The following QSER1 variants were observed in gnomAD, a reference collection of about 807,000 sequenced individuals.
QSER1 encodes glutamine and serine rich 1.
Under a neutral mutation model 158.5 loss-of-function variants are expected in QSER1, and 49 were observed. The observed-to-expected ratio is 0.31, with a 90% CI of 0.25 to 0.39. The LOEUF is 0.39. Among genes scored for constraint, QSER1 ranks in the 10% least tolerant of loss-of-function variants. QSER1 has a pLI of 1.00. For missense variants in QSER1, 1,754 were observed against 2,010.3 expected (o/e 0.87, Z 2.44); for synonymous variants, 650 against 715.5 (o/e 0.91, Z 1.46).
At chr11:32,909,486 C>T (rs1851737325) in intron 1 of QSER1, among the ~76,000 whole-genome samples, 1 of 151,454 alleles carries the variant, frequency 6.6e-6, no homozygotes, top group Non-Finnish European at 1.5e-5. Flanking sequence ...GTGGCCCAGG[C>T]TGGAGTGCAG....
chr11:32,919,798 C>A (rs914019944), intron 1 of QSER1, among the ~76,000 whole-genome samples: 9 of 152,108 alleles, frequency 5.9e-5, no homozygotes, highest in Non-Finnish European at 5.9e-5. Flanking sequence ...TTTATTCAAT[C>A]GTTTATCAGT....
At chr11:32,897,209 G>A (rs1851566439) in intron 1 of QSER1, among the ~76,000 whole-genome samples, 1 of 152,136 alleles carries the variant, frequency 6.6e-6, no homozygotes, top group Non-Finnish European at 1.5e-5. Flanking sequence ...TATGGATGAG[G>A]AAACTGAGGG....
intron 4 of QSER1, among the ~76,000 whole-genome samples, chr11:32,945,424 C>T (rs1852313665): frequency 1.3e-5 from 2 of 151,074 alleles, no homozygotes; most frequent in Non-Finnish European, 3.0e-5. Context: ...TCTTTTAGGG[C>T]AGGCCTGGTG....
At chr11:32,972,916 A>AG (rs1852896345) in intron 10 of QSER1, among the ~76,000 whole-genome samples, 1 of 152,234 alleles carries the variant, frequency 6.6e-6, no homozygotes, top group Non-Finnish European at 1.5e-5. Context: ...CGTCATCTTC[A>AG]CCAGAGGCAG....
At chr11:32,941,477 C>T (rs1480810787) in intron 4 of QSER1, among the ~76,000 whole-genome samples, 7 of 147,122 alleles carry the variant, frequency 4.8e-5, no homozygotes, top group Non-Finnish European at 8.9e-5. Context: ...TGAGAATATG[C>T]GGTGTTTGGT....
chr11:32,925,805 G>A (rs1448421550), intron 1 of QSER1, among the ~76,000 whole-genome samples: 1 of 152,086 alleles, frequency 6.6e-6, no homozygotes, highest in Non-Finnish European at 1.5e-5. Flanking sequence ...TGGGATTACA[G>A]GCATGAGCCA....
At chr11:32,952,416 T>G (rs1203748197) in intron 4 of QSER1, among the ~76,000 whole-genome samples, 1 of 152,176 alleles carries the variant, frequency 6.6e-6, no homozygotes, top group Non-Finnish European at 1.5e-5. Flanking sequence ...TGTATTACAT[T>G]GATTTTCAGG....
chr11:32,958,634 A>C (rs1324166504), intron 8 of QSER1, among the ~76,000 whole-genome samples: 4 of 152,148 alleles, frequency 2.6e-5, no homozygotes, highest in Admixed American at 6.5e-5. Context: ...CTCCTGCCTT[A>C]GCCTCCCAAA....
Position 32,975,337 on chromosome 11 carries a change from G to A in QSER1, c.5448G>A (p.Lys1816=). The A allele has an allele frequency of 6.3e-7, 1 of 1,597,468 alleles. No homozygotes were observed. Among genetic ancestry groups the A allele is most frequent in the Non-Finnish European group, 8.6e-7 (1 of 1,166,034 alleles). Residue 1816 remains lysine (K), a synonymous_variant, in exon 12 of 13, where the codon AAG becomes AAA. Coordinates refer to ENST00000650167, the MANE Select transcript of QSER1 (RefSeq NM_001076786.3). ...HYKYHVYLIC[K]DEISSVQKKN... is the part of the protein sequence containing the mutation. ...AGTACCATGTTTATCTGATATGTAA[G>A]GATGAGGTAATTTCTTCTCATTTAC...
chr11:32,913,968 GATAA>G (rs2133513745), intron 1 of QSER1, among the ~76,000 whole-genome samples: 1 of 152,250 alleles, frequency 6.6e-6, no homozygotes, highest in African/African-American at 2.4e-5. Context: ...TCAAATTCAT[GATAA>G]ATAATTTCTT....
intron 1 of QSER1, among the ~76,000 whole-genome samples, chr11:32,918,187 A>G (rs879572656): frequency 1.3e-5 from 2 of 152,134 alleles, no homozygotes; most frequent in Non-Finnish European, 2.9e-5. Context: ...ATTTATGACT[A>G]CCTGCTGTGT....
chr11:32,945,316 A>G (rs1432565838), intron 4 of QSER1, among the ~76,000 whole-genome samples: 1 of 149,732 alleles, frequency 6.7e-6, no homozygotes, highest in Non-Finnish European at 1.5e-5. Context: ...TAGTTGATTC[A>G]GTTTCTTCCC....
Position 32,893,088 on chromosome 11 carries a change from C to G in QSER1, c.-38C>G, listed in dbSNP as rs928703276. On this transcript the variant is annotated 5_prime_UTR_variant, in exon 1 of 13. In the 5' UTR this introduces an upstream ATG that the reference lacks. Transcript: ENST00000650167. This position sits in a 1 kb window ranked among gnomAD's most constrained non-coding sequence, Gnocchi z 4.7. ...CCCGTCACACGGAGCCCTGGAGGAT[C>G]CCCCGCTGCTGCCCGCCCTCCCTAC... is the stretch of plus-strand genomic sequence containing the variant. 1.6e-5 allele frequency: 2 copies of G among 122,440 alleles called. No homozygotes were observed. Among genetic ancestry groups the G allele is most frequent in the African/African-American group, 6.0e-5 (2 of 33,214 alleles). The allele number at this position is 122,440 out of a possible 1,614,324, so 7.6% of individuals were successfully genotyped here. A position where few individuals can be genotyped will look rare whatever the true frequency, so the allele number is the denominator to read the frequency against.
intron 4 of QSER1, among the ~76,000 whole-genome samples, chr11:32,947,101 G>T (rs545651132): frequency 6.7e-6 from 1 of 148,490 alleles, no homozygotes; most frequent in Non-Finnish European, 1.5e-5. Flanking sequence ...CGCACGGTGC[G>T]TGCACCCACT....
chr11:32,967,628 A>G (rs1427260547), intron 9 of QSER1, among the ~76,000 whole-genome samples: 1 of 152,216 alleles, frequency 6.6e-6, no homozygotes, highest in Non-Finnish European at 1.5e-5. Context: ...TTATGTTCAC[A>G]TACTTAGACA....
At chr11:32,898,530 A>G (rs1851585625) in intron 1 of QSER1, among the ~76,000 whole-genome samples, 2 of 142,442 alleles carry the variant, frequency 1.4e-5, no homozygotes, top group Non-Finnish European at 3.1e-5. Context: ...ACACACACAC[A>G]TTGTAATGTG....
rs1454292465 is a variant in QSER1 at position 32,933,205 on chromosome 11, GTCA to G, written c.1953_1955del (p.Ser652del). On this transcript the variant is annotated inframe_deletion, in exon 4 of 13. Coordinates refer to ENST00000650167, the MANE Select transcript of QSER1 (RefSeq NM_001076786.3). ...CCCAGAAGTTTTTGCCTGCTGTCCAGTCATCATCTTTTGCATCCTCTACTCATT... is the reference window on the plus strand; with the variant it reads ...CCCAGAAGTTTTTGCCTGCTGTCCAGTCATCTTTTGCATCCTCTACTCATT... The G allele has an allele frequency of 6.2e-7, 1 of 1,613,966 alleles. No homozygotes were observed.
chr11:32,915,022 C>A (rs546244375), intron 1 of QSER1, among the ~76,000 whole-genome samples: 14 of 152,104 alleles, frequency 9.2e-5, no homozygotes, highest in Admixed American at 3.3e-4. Context: ...TGGGCTCAAG[C>A]CATCCTCCCA....
intron 7 of QSER1, among the ~76,000 whole-genome samples, chr11:32,956,360 C>G (rs891222027): frequency 2.0e-5 from 3 of 151,880 alleles, no homozygotes; most frequent in Non-Finnish European, 4.4e-5. Flanking sequence ...TTGGTGTCAT[C>G]CCAGTATTGT....
Sources: allele counts gnomAD v4.1 joint callset (sites outside exome capture counted in the v4.1 genomes callset), GRCh38; gene constraint gnomAD v4.1.1; non-coding constraint Gnocchi (gnomAD v3.1); transcripts MANE v1.5; gene names NCBI Gene and HGNC (gene_info 2026-07-23, HGNC 2026-07-21).